DNAH7: variants seen among roughly 807,000 people sequenced by gnomAD.
The protein encoded by DNAH7 is axonemal beta dynein heavy chain 7.
Under a neutral mutation model 444.6 loss-of-function variants are expected in DNAH7, and 397 were observed. The ratio of observed to expected loss-of-function variants is 0.89; its 90% CI spans 0.82 to 0.97. The LOEUF is 0.97. Ranked by LOEUF, DNAH7 falls within the 50% of genes least tolerant of loss-of-function variation. The probability of loss-of-function intolerance (pLI) is 0.00; values close to 1 mark genes in which losing one functional copy is unlikely to be tolerated. For missense variants in DNAH7, 4,902 were observed against 4,800.8 expected (o/e 1.02, Z -0.62); for synonymous variants, 1,636 against 1,624.4 (o/e 1.01, Z -0.17).
At chr2:195,824,019 A>G (rs1266043133) in intron 49 of DNAH7, among the ~76,000 whole-genome samples, 1 of 152,190 alleles carries the variant, frequency 6.6e-6, no homozygotes, top group South Asian at 2.1e-4. Flanking sequence ...AATCATATCA[A>G]TTGTAGAAAT....
intron 18 of DNAH7, 56 bp from the exon 19 acceptor site, chr2:195,957,503 A>G (rs889373373): frequency 5.0e-6 from 7 of 1,403,978 alleles, no homozygotes; most frequent in Non-Finnish European, 6.6e-6. Flanking sequence ...AATGTTTCAA[A>G]TGACAAAATT....
chr2:195,754,246 A>C (rs1693956065), intron 63 of DNAH7, 91 bp downstream of exon 63: 1 of 1,306,888 alleles, frequency 7.7e-7, no homozygotes, highest in Non-Finnish European at 1.0e-6. Flanking sequence ...CATGTTTATT[A>C]CTTTTTTAAC....
intron 2 of DNAH7, among the ~76,000 whole-genome samples, chr2:196,056,086 G>A (rs1575115601): frequency 1.3e-5 from 2 of 152,164 alleles, no homozygotes; most frequent in East Asian, 1.9e-4. Flanking sequence ...CATCCTGCTG[G>A]CCTCACCTTG....
chr2:195,867,963 ATATGGTAACCC>A (rs1268528682), intron 40 of DNAH7, among the ~76,000 whole-genome samples: 2 of 152,100 alleles, frequency 1.3e-5, no homozygotes, highest in Non-Finnish European at 2.9e-5. Context: ...CTGCTAGGTC[ATATGGTAACCC>A]TATGTTTTAA....
intron 5 of DNAH7, among the ~76,000 whole-genome samples, chr2:196,038,909 A>G (rs1025580013): frequency 6.6e-6 from 1 of 152,204 alleles, no homozygotes; most frequent in Non-Finnish European, 1.5e-5. Context: ...TTAAGGAGAG[A>G]CATAGACCCC....
At chr2:195,990,158 T>C (rs184028966) in intron 12 of DNAH7, among the ~76,000 whole-genome samples, 30 of 152,350 alleles carry the variant, frequency 2.0e-4, no homozygotes, top group Admixed American at 1.2e-3. Context: ...TCCAGATCAA[T>C]GTCATAAAGC....
intron 54 of DNAH7, among the ~76,000 whole-genome samples, chr2:195,803,777 T>C (rs1422454897): frequency 6.6e-6 from 1 of 152,258 alleles, no homozygotes; most frequent in Non-Finnish European, 1.5e-5. Flanking sequence ...ATTAATTTGC[T>C]GTTTGTTTAC....
intron 40 of DNAH7, 42 bp downstream of exon 40, chr2:195,872,206 CTT>C: frequency 6.9e-7 from 1 of 1,443,268 alleles, no homozygotes; most frequent in Non-Finnish European, 9.6e-7. Context: ...CATGGCAAAT[CTT>C]TGTTTCTCAC....
In DNAH7 at chr2:195,864,496, A is replaced by AT. The variant is rs767322578; in HGVS notation, c.7158dup (p.Cys2387MetfsTer5). 1 of 1,614,164 alleles carries AT rather than the reference A, an allele frequency of 6.2e-7. No homozygotes were observed. Among genetic ancestry groups the AT allele is most frequent in the South Asian group, 1.1e-5 (1 of 91,088 alleles). Reference sequence around the variant, plus strand: ...ACACCCTGCATCTCACCTTCCGCACATTTCCTTAAGATCACTTTTAAATCT... The same window carrying AT: ...ACACCCTGCATCTCACCTTCCGCACATTTTCCTTAAGATCACTTTTAAATCT... On this transcript the variant is annotated frameshift_variant, in exon 41 of 65. Coordinates refer to ENST00000312428, the MANE Select transcript of DNAH7 (RefSeq NM_018897.3). LOFTEE classifies it high-confidence loss of function.
rs11286753 is a variant in DNAH7 at position 195,778,844 on chromosome 2, C to CTT, written c.10879-861_10879-860dup. 2.0e-4 allele frequency among the ~76,000 whole-genome samples: 25 copies of CTT among 125,910 alleles called. 1 individual carries two copies. In the South Asian group the frequency reaches 2.4e-3, roughly 12 times the overall value. The allele number at this position is 125,910 out of a possible 152,430, so 82.6% of individuals were successfully genotyped here. Reference sequence around the variant, plus strand: ...ATATATACATATACACAATTGTACACTTTTTTTTTTTTTTTTGAGACTGAG... The same window carrying CTT: ...ATATATACATATACACAATTGTACACTTTTTTTTTTTTTTTTTTGAGACTGAG... On this transcript the variant is annotated intron_variant, in intron 58 of 64. Coordinates refer to ENST00000312428, the MANE Select transcript of DNAH7 (RefSeq NM_018897.3).
chr2:195,761,120 G>C, intron 61 of DNAH7, among the ~76,000 whole-genome samples: 1 of 151,452 alleles, frequency 6.6e-6, no homozygotes, highest in African/African-American at 2.4e-5. Context: ...AGAATCCTAT[G>C]AGATAAATTC....
chr2:196,038,755 A>G (rs1696546384), intron 5 of DNAH7, among the ~76,000 whole-genome samples: 1 of 152,218 alleles, frequency 6.6e-6, no homozygotes, highest in African/African-American at 2.4e-5. Flanking sequence ...CAGACAAAAT[A>G]GACTTTAAGT....
At chr2:195,983,904 GT>G (rs1692734356) in intron 15 of DNAH7, among the ~76,000 whole-genome samples, 2 of 152,150 alleles carry the variant, frequency 1.3e-5, no homozygotes, top group Admixed American at 1.3e-4. Context: ...GACAGTCCTG[GT>G]TTGTTCCTGT....
rs368721925 is a variant in DNAH7, at chr2:195,782,957, T to C, written c.10878+4053A>G. On this transcript the variant is annotated intron_variant, in intron 58 of 64. Transcript: ENST00000312428. ...CTAACACTTGAATAACCTATAAATC[T>C]CTATTTTGTGCTCTCTCTTCCCTTG... is the stretch of plus-strand genomic sequence containing the variant. Among the ~76,000 whole-genome samples, 32 of 152,308 alleles carry C rather than the reference T, an allele frequency of 2.1e-4. No homozygotes were observed. The East Asian group carries it at 3.3e-3, about 16-fold the overall frequency.
Position 195,817,824 on chromosome 2 carries a change from T to C in DNAH7, c.9297A>G (p.Thr3099=). ...HYLPETSVKV[T]LLNFMITPEG... Reference sequence around the variant, plus strand: ...CAGGGGTTATCATGAAGTTTAATAATGTTACCTATAAATGAAAAAATATAC... The same window carrying C: ...CAGGGGTTATCATGAAGTTTAATAACGTTACCTATAAATGAAAAAATATAC... Residue 3099 remains threonine, a synonymous_variant, in exon 50 of 65, where the codon ACA becomes ACG. Coordinates refer to ENST00000312428, the MANE Select transcript of DNAH7 (RefSeq NM_018897.3). The C allele has an allele frequency of 1.9e-6, 3 of 1,576,632 alleles. No homozygotes were observed. The highest frequency in any genetic ancestry group is 2.6e-6 in the Non-Finnish European group (3 of 1,166,690).
In DNAH7 at chr2:196,012,923, T is replaced by C; in HGVS notation, c.870-17A>G. On this transcript the variant is annotated splice_polypyrimidine_tract_variant and intron_variant, in intron 9 of 64. Transcript: ENST00000312428. Reference sequence around the variant, plus strand: ...CGTAATTTTCTGCAAAAGATAAAAATAAACAGTAATTTAACAATGACTTTT... The same window carrying C: ...CGTAATTTTCTGCAAAAGATAAAAACAAACAGTAATTTAACAATGACTTTT... 6.9e-7 allele frequency: 1 copy of C among 1,452,406 alleles called. No individual in the cohort carries two copies. Among genetic ancestry groups the C allele is most frequent in the Non-Finnish European group, 9.1e-7 (1 of 1,093,138 alleles). The allele number at this position is 1,452,406 out of a possible 1,614,324, so 90.0% of individuals were successfully genotyped here.
chr2:196,056,856 G>C (rs887398221), intron 2 of DNAH7, among the ~76,000 whole-genome samples: 1 of 152,218 alleles, frequency 6.6e-6, no homozygotes, highest in African/African-American at 2.4e-5. Flanking sequence ...ATGTAAGTCA[G>C]TGCTCTTTCA....
rs1248451775 is a variant in DNAH7 at position 196,047,479 on chromosome 2, C to T, written c.271G>A (p.Gly91Arg). Residue 91 changes from glycine (G) to arginine (R), a missense_variant, in exon 5 of 65, where the codon GGA (glycine) becomes AGA (arginine). Transcript: ENST00000312428. ...QSHAEYMERF[G>R]KKGKLPHQVD... ...TGGTGGGGTAATTTGCCCTTTTTTC[C>T]AAAACGTTCCATGTATTCAGCTTAA... The T allele has an allele frequency of 2.5e-6, 4 of 1,588,132 alleles. No individual in the cohort carries two copies. The highest frequency in any genetic ancestry group is 2.7e-5 in the African/African-American group (2 of 73,856).
chr2:195,800,557 T>C (rs764973927), intron 54 of DNAH7, among the ~76,000 whole-genome samples: 1 of 152,220 alleles, frequency 6.6e-6, no homozygotes, highest in Non-Finnish European at 1.5e-5. Context: ...GATTAAATGC[T>C]ATATTAGTAA....
Sources: gnomAD v4.1 joint callset for allele counts (sites outside exome capture counted in the v4.1 genomes callset) on GRCh38, gnomAD v4.1.1 for gene constraint, MANE v1.5 for transcripts, NCBI Gene and HGNC (gene_info 2026-07-23, HGNC 2026-07-21) for gene names.